The following SF3B1 variants were observed in gnomAD, a reference collection of about 807,000 sequenced individuals.
SF3B1 encodes the protein splicing factor 3b subunit 1.
Under a neutral mutation model 153.8 loss-of-function variants are expected in SF3B1, and 12 were observed. The observed-to-expected ratio is 0.08, with a 90% CI of 0.05 to 0.13. The LOEUF (loss-of-function observed/expected upper bound fraction) is 0.13, where lower values mean the gene tolerates loss of function less well. Ranked by LOEUF, SF3B1 falls within the 10% of genes least tolerant of loss-of-function variation. The probability of loss-of-function intolerance (pLI) is 1.00; values close to 1 mark genes in which losing one functional copy is unlikely to be tolerated. For missense variants in SF3B1, 513 were observed against 1,606.1 expected (o/e 0.32, Z 11.63); for synonymous variants, 498 against 525.2 (o/e 0.95, Z 0.71).
intron 1 of SF3B1, among the ~76,000 whole-genome samples, chr2:197,424,609 C>A (rs1279259946): frequency 1.3e-5 from 2 of 152,088 alleles, no homozygotes; most frequent in Non-Finnish European, 2.9e-5. Flanking sequence ...ACCCATGATC[C>A]AATCAAGCAC....
At chr2:197,410,144 T>C in intron 6 of SF3B1, 137 bp from the exon 7 acceptor site, 1 of 583,598 alleles carries the variant, frequency 1.7e-6, no homozygotes, top group Non-Finnish European at 3.0e-6. Flanking sequence ...AGACACTACC[T>C]CTACTTATAG....
At chr2:197,399,362 T>C (rs549323127) in intron 20 of SF3B1, among the ~76,000 whole-genome samples, 2 of 152,316 alleles carry the variant, frequency 1.3e-5, no homozygotes, top group South Asian at 4.1e-4. Context: ...TTCTGCTAGG[T>C]TATCAGAGCC....
At chr2:197,422,993 T>C (rs1488075763) in intron 2 of SF3B1, among the ~76,000 whole-genome samples, 1 of 152,180 alleles carries the variant, frequency 6.6e-6, no homozygotes, top group Non-Finnish European at 1.5e-5. Context: ...CTACCTGGAA[T>C]ACATAAAAAA....
Position 197,402,186 on chromosome 2 carries a change from T to G in SF3B1, c.2078-56A>C. 1.3e-6 allele frequency: 2 copies of G among 1,545,936 alleles called. No individual in the cohort carries two copies. The highest frequency in any genetic ancestry group is 1.7e-6 in the Non-Finnish European group (2 of 1,144,324). On this transcript the variant is annotated intron_variant, in intron 14 of 24. Transcript: ENST00000335508. The surrounding 1 kb of genome is among the most constrained non-coding windows in gnomAD (Gnocchi z 4.6). ...CCCCAACATTACCTAAGTTACACAA[T>G]ATCATCCAGATTCTCTCAATATATC...
intron 4 of SF3B1, chr2:197,418,789 A>G: frequency 6.7e-7 from 1 of 1,482,354 alleles, no homozygotes; most frequent in Non-Finnish European, 8.9e-7. Flanking sequence ...ACAAACATCT[A>G]CAGCAGTTTA....
chr2:197,395,707 G>T lies in SF3B1; in HGVS notation c.3539+349C>A, dbSNP rs144815057. Reference sequence around the variant, plus strand: ...TTTACCTGCAACAAAAAGCTAAAAAGATCAGGTCTCTGCCCATTAGCTTCT... The same window carrying T: ...TTTACCTGCAACAAAAAGCTAAAAATATCAGGTCTCTGCCCATTAGCTTCT... On this transcript the variant is annotated intron_variant, in intron 23 of 24. Coordinates refer to ENST00000335508, the MANE Select transcript of SF3B1 (RefSeq NM_012433.4). Among the ~76,000 whole-genome samples the T allele has an allele frequency of 6.5e-3, 986 of 152,308 alleles. 5 individuals carry two copies. The highest frequency in any genetic ancestry group is 0.011 in the Non-Finnish European group (743 of 68,022).
chr2:197,418,859 G>C (rs982867744), intron 4 of SF3B1: 2 of 1,559,580 alleles, frequency 1.3e-6, no homozygotes, highest in Non-Finnish European at 1.7e-6. Context: ...GTCTTCAGAA[G>C]TGATGGGTTC....
At chr2:197,397,200 G>A (rs576469936) in intron 22 of SF3B1, among the ~76,000 whole-genome samples, 10 of 152,086 alleles carry the variant, frequency 6.6e-5, no homozygotes, top group Middle Eastern at 3.4e-3. Context: ...ACAGGGTCTC[G>A]CCCTGTCGCC....
intron 1 of SF3B1, among the ~76,000 whole-genome samples, chr2:197,432,179 A>G (rs368007348): frequency 1.3e-5 from 2 of 152,194 alleles, no homozygotes; most frequent in South Asian, 2.1e-4. Context: ...TAACAAAACT[A>G]TAACTATTCC....
rs1176783720 is a variant in SF3B1, at chr2:197,423,998, T to C, written c.29-24A>G. On this transcript the variant is annotated intron_variant, in intron 1 of 24. Transcript: ENST00000335508. ...ATCTATAAAAAGATAACACAGACTT[T>C]CTTAATTTCACTTTCCAAAAGAACT... 8 of 1,585,110 alleles carry C rather than the reference T, an allele frequency of 5.0e-6. 1 individual carries two copies. In the Middle Eastern group the frequency reaches 6.6e-4, roughly 132 times the overall value.
intron 1 of SF3B1, among the ~76,000 whole-genome samples, chr2:197,426,861 A>G (rs1296721389): frequency 2.0e-5 from 3 of 151,990 alleles, no homozygotes; most frequent in Non-Finnish European, 4.4e-5. Flanking sequence ...TACCTCATAC[A>G]CAACTAAAAA....
intron 23 of SF3B1, among the ~76,000 whole-genome samples, chr2:197,393,880 T>G (rs2084843837): frequency 6.6e-6 from 1 of 152,214 alleles, no homozygotes; most frequent in Non-Finnish European, 1.5e-5. Context: ...AACTTTTTTC[T>G]CTTTTTTAAA....
rs1361864141 is a variant in SF3B1, at chr2:197,435,022, C to A, written c.-23G>T. On this transcript the variant is annotated 5_prime_UTR_variant, in exon 1 of 25. Transcript: ENST00000335508. ...CATTTTGTCCACTCGAACACACAGA[C>A]GGAACTGGCGCTCCCAAGAACTTCC... The A allele has an allele frequency of 6.2e-7, 1 of 1,614,132 alleles. No homozygotes were observed. The highest frequency in any genetic ancestry group is 1.3e-5 in the African/African-American group (1 of 74,954).
intron 23 of SF3B1, among the ~76,000 whole-genome samples, chr2:197,395,019 A>C (rs2084860144): frequency 6.6e-6 from 1 of 152,232 alleles, no homozygotes; most frequent in African/African-American, 2.4e-5. Context: ...TATTTATTTT[A>C]ATAATGTCAT....
Position 197,392,443 on chromosome 2 carries a change from G to A in SF3B1, c.3775C>T (p.Arg1259Trp), listed in dbSNP as rs2105973804. ...YCLQGLFHPARKVRDVYWKIY... is the reference protein window; with the variant it reads ...YCLQGLFHPAWKVRDVYWKIY... ...TTCCAATATACATCTCTGACTTTCC[G>A]GGCTGGGTGAAACAGACCCTAAAAT... The change falls in exon 25 of 25, where the codon CGG (arginine) becomes TGG (tryptophan). Residue 1259 changes from arginine to tryptophan, a missense_variant. Physicochemically the swap from Arg to Trp is moderately radical, Grantham distance 101. Transcript: ENST00000335508. 4.4e-6 allele frequency: 7 copies of A among 1,603,582 alleles called. No homozygotes were observed. The highest frequency in any genetic ancestry group is 6.0e-6 in the Non-Finnish European group (7 of 1,172,742).
chr2:197,427,611 T>C (rs910852183), intron 1 of SF3B1, among the ~76,000 whole-genome samples: 7 of 152,176 alleles, frequency 4.6e-5, no homozygotes, highest in African/African-American at 1.4e-4. Context: ...GTTTTCAAAA[T>C]AAATAAAAAG....
At chr2:197,415,457 C>T (rs943146844) in intron 6 of SF3B1, among the ~76,000 whole-genome samples, 79 of 151,780 alleles carry the variant, frequency 5.2e-4, no homozygotes, top group African/African-American at 1.8e-3. Context: ...GGTTTCACTA[C>T]GTTGGCCAGG....
intron 6 of SF3B1, among the ~76,000 whole-genome samples, chr2:197,412,711 G>A (rs1274173320): frequency 2.6e-5 from 4 of 151,038 alleles, no homozygotes; most frequent in Non-Finnish European, 4.4e-5. Flanking sequence ...CATGCCAGGC[G>A]CAGTGGCTCA....
At position 197,393,283 on chromosome 2, in the gene SF3B1, T is replaced by G. The variant is rs1334552910; in HGVS notation, c.3540-95A>C. On this transcript the variant is annotated intron_variant, in intron 23 of 24. Coordinates refer to ENST00000335508, the MANE Select transcript of SF3B1 (RefSeq NM_012433.4). ...ACAGTCTTAGTTTTACAGGAAATAT[T>G]CACCGGCCCATTAGAAACTAAATTA... 11 of 786,932 alleles carry G rather than the reference T, an allele frequency of 1.4e-5. No homozygotes were observed. The Admixed American group carries it at 2.4e-4, about 17-fold the overall frequency. The allele number at this position is 786,932 out of a possible 1,614,324, so 48.7% of individuals were successfully genotyped here. A position where few individuals can be genotyped will look rare whatever the true frequency, so the allele number is the denominator to read the frequency against.
Sources: gnomAD v4.1 joint callset for allele counts (sites outside exome capture counted in the v4.1 genomes callset) on GRCh38, gnomAD v4.1.1 for gene constraint, Gnocchi (gnomAD v3.1) non-coding constraint, MANE v1.5 for transcripts, NCBI Gene and HGNC (gene_info 2026-07-23, HGNC 2026-07-21) for gene names.